Variants in SNRPN observed in about 807,000 individuals in gnomAD.
SNRPN encodes the protein small nuclear ribonucleoprotein polypeptide N.
In SNRPN, 7 loss-of-function variants were observed where a neutral mutation model predicts 25.2. The ratio of observed to expected loss-of-function variants is 0.28; its 90% confidence interval spans 0.16 to 0.52. SNRPN has a LOEUF of 0.52. Ranked by LOEUF, SNRPN falls within the 20% of genes least tolerant of loss-of-function variation. SNRPN has a pLI of 0.96. For missense variants in SNRPN, 196 were observed against 322.5 expected (o/e 0.61, Z 3.00); for synonymous variants, 124 against 110.6 (o/e 1.12, Z -0.76).
At chr15:24,901,905 T>C (rs1293845542) in intron 2 of SNRPN, among the ~76,000 whole-genome samples, 1 of 152,178 alleles carries the variant, frequency 6.6e-6, no homozygotes, top group Non-Finnish European at 1.5e-5. Context: ...GATCTGTTCA[T>C]AGAGTTGTAA....
At chr15:24,887,903 G>C (rs2150202589) in intron 2 of SNRPN, among the ~76,000 whole-genome samples, 1 of 152,068 alleles carries the variant, frequency 6.6e-6, no homozygotes, top group East Asian at 1.9e-4. Context: ...CCAGGCTCAT[G>C]GATGGACTGA....
In SNRPN at chr15:24,827,025, TAC is replaced by T. The variant is rs536825588; in HGVS notation, c.-686-2765_-686-2764del. ...GTGTCATATCCCATATATATACACA[TAC>T]ACACACATACATATATATACATATA... On this transcript the variant is annotated intron_variant, in intron 1 of 12. Coordinates refer to the SNRPN transcript ENST00000400100. 2.1e-3 allele frequency among the ~76,000 whole-genome samples: 326 copies of T among 152,128 alleles called. 4 individuals carry two copies. Among genetic ancestry groups the T allele is most frequent in the African/African-American group, 7.6e-3 (314 of 41,432 alleles).
At chr15:24,875,242 C>T (rs1213743699) in intron 1 of SNRPN, among the ~76,000 whole-genome samples, 3 of 152,176 alleles carry the variant, frequency 2.0e-5, no homozygotes, top group Non-Finnish European at 4.4e-5. Context: ...TTACCACTCC[C>T]AAGTTCCAGT....
intron 2 of SNRPN, among the ~76,000 whole-genome samples, chr15:24,918,584 CATAATATATATGTATATATATAACATAAT>C (rs2152452412): frequency 1.3e-5 from 1 of 79,812 alleles, no homozygotes; most frequent in African/African-American, 5.5e-5. Context: ...ATATATATAA[CATAATATATATGTATATATATAACATAAT>C]ATATATGTGT....
At chr15:24,945,997 A>G (rs932294674) in intron 3 of SNRPN, among the ~76,000 whole-genome samples, 5 of 152,110 alleles carry the variant, frequency 3.3e-5, no homozygotes, top group Admixed American at 2.6e-4. Flanking sequence ...CCAGTGCTCA[A>G]TGTGTGTGTG....
chr15:24,856,603 CT>C (rs2053419892), exon 1 of SNRPN: 1 of 152,190 alleles, frequency 6.6e-6, no homozygotes, highest in South Asian at 2.1e-4. Context: ...CAGCCGCCCC[CT>C]GTCTTCCCTC....
In SNRPN at chr15:24,872,191, G is replaced by C. The variant is rs1474932735; in HGVS notation, c.-578-14325G>C. ...TAAAATAACTTTTTTTTTGAGACAT[G>C]AGTATCACTTTTGTTGCCCAGGTTG... is the stretch of plus-strand genomic sequence containing the variant. On this transcript the variant is annotated intron_variant, in intron 1 of 11. Coordinates refer to the SNRPN transcript ENST00000400097. Among the ~76,000 whole-genome samples the C allele has an allele frequency of 2.6e-5, 3 of 116,838 alleles. 1 individual carries two copies. Among genetic ancestry groups the C allele is most frequent in the African/African-American group, 8.8e-5 (3 of 34,210 alleles). 76.7% of individuals were successfully genotyped at this position (116,838 alleles called of 152,430 possible).
intron 2 of SNRPN, among the ~76,000 whole-genome samples, chr15:24,848,114 G>A (rs1008029372): frequency 2.0e-5 from 3 of 151,818 alleles, no homozygotes; most frequent in African/African-American, 7.3e-5. Flanking sequence ...TCACAGCCTA[G>A]GTCCTCCAAC....
intron 2 of SNRPN, among the ~76,000 whole-genome samples, chr15:24,919,828 T>C (rs1022564727): frequency 6.6e-6 from 1 of 152,162 alleles, no homozygotes; most frequent in East Asian, 1.9e-4. Flanking sequence ...TGACTAATGT[T>C]TGATCAAGCA....
At chr15:24,896,279 A>T (rs1566884079) in intron 2 of SNRPN, among the ~76,000 whole-genome samples, 1 of 152,146 alleles carries the variant, frequency 6.6e-6, no homozygotes, top group African/African-American at 2.4e-5. Context: ...CTCTCATTCA[A>T]TTCCCTTTCC....
At chr15:24,896,627 T>C (rs1369636819) in intron 2 of SNRPN, among the ~76,000 whole-genome samples, 1 of 151,916 alleles carries the variant, frequency 6.6e-6, no homozygotes, top group Non-Finnish European at 1.5e-5. Context: ...GGCAGGAGAA[T>C]GGTGTAAACC....
chr15:24,937,340 T>TACAAA (rs920138162), intron 3 of SNRPN, among the ~76,000 whole-genome samples: 7 of 151,972 alleles, frequency 4.6e-5, no homozygotes, highest in Admixed American at 2.0e-4. Context: ...ACCCTGTATT[T>TACAAA]ACAAAACAAA....
chr15:24,883,262 G>A lies in SNRPN; in HGVS notation c.-578-3254G>A, dbSNP rs74005385. On this transcript the variant is annotated intron_variant, in intron 1 of 11. Coordinates refer to the SNRPN transcript ENST00000400097. ...AAGCGTATTCCTTGGATGGTCTGCG[G>A]TGGGCAGTCTCTGCCAGGATGTGCC... is the stretch of plus-strand genomic sequence containing the variant. 8.2e-3 allele frequency among the ~76,000 whole-genome samples: 1,247 copies of A among 152,332 alleles called. 18 individuals carry two copies. The highest frequency in any genetic ancestry group is 0.028 in the African/African-American group (1,179 of 41,572).
chr15:24,880,897 G>GTTC (rs2056513861), intron 1 of SNRPN, among the ~76,000 whole-genome samples: 3 of 151,958 alleles, frequency 2.0e-5, no homozygotes, highest in African/African-American at 7.2e-5. Context: ...GGCTGGTCTC[G>GTTC]AACTTCTGGG....
chr15:24,968,745 T>A (rs1324233079), intron 3 of SNRPN: 1 of 152,172 alleles, frequency 6.6e-6, no homozygotes, highest in Non-Finnish European at 1.5e-5. Context: ...TGTTTTGTCT[T>A]TTTCTCACTT....
intron 3 of SNRPN, among the ~76,000 whole-genome samples, chr15:24,937,947 G>A (rs1388265629): frequency 6.6e-5 from 10 of 152,110 alleles, no homozygotes; most frequent in Non-Finnish European, 1.3e-4. Flanking sequence ...GCATCAGAAT[G>A]TACTTCCTTT....
chr15:24,844,221 G>A (rs2051987642), intron 2 of SNRPN, among the ~76,000 whole-genome samples: 1 of 151,880 alleles, frequency 6.6e-6, no homozygotes, highest in South Asian at 2.1e-4. Context: ...TTCCAGTAGG[G>A]ACATAGTGGC....
intron 3 of SNRPN, among the ~76,000 whole-genome samples, chr15:24,922,037 TA>T (rs67089476): frequency 0.28 from 26,786 of 94,104 alleles, 3,349 homozygotes; most frequent in East Asian, 0.46. Flanking sequence ...CCGTCTCTAC[TA>T]AAAAAAAAAA....
At chr15:24,973,855 A>G (rs1014029563) in intron 3 of SNRPN, among the ~76,000 whole-genome samples, 2 of 152,222 alleles carry the variant, frequency 1.3e-5, no homozygotes, top group Admixed American at 6.5e-5. Context: ...GGGAAAGATT[A>G]CCTGCCATCA....
Sources: allele counts gnomAD v4.1 joint callset (sites outside exome capture counted in the v4.1 genomes callset), GRCh38; gene constraint gnomAD v4.1.1; transcripts MANE v1.5; gene names NCBI Gene and HGNC (gene_info 2026-07-23, HGNC 2026-07-21).